Variants in CUX1 observed in about 807,000 individuals in gnomAD.
The protein encoded by CUX1 is protein CASP.
A neutral mutation model predicts 158.8 loss-of-function variants in CUX1; 31 were observed. The ratio of observed to expected loss-of-function variants is 0.20; its 90% confidence interval spans 0.15 to 0.26. The LOEUF is 0.26. CUX1 is among the 10% of genes least tolerant of loss of function. The probability of loss-of-function intolerance (pLI) is 1.00; values close to 1 mark genes in which losing one functional copy is unlikely to be tolerated. For missense variants in CUX1, 1,589 were observed against 2,014.6 expected, an observed-to-expected ratio of 0.79 and a Z score of 4.04; for synonymous variants, 879 against 862.1, an observed-to-expected ratio of 1.02 and a Z score of -0.34.
chr7:101,984,119 TATATATATATAC>T (rs796288869), intron 2 of CUX1, among the ~76,000 whole-genome samples: 1,145 of 44,116 alleles, frequency 0.026, 148 homozygotes, highest in Non-Finnish European at 0.045. Flanking sequence ...TATATATATA[TATATATATATAC>T]ACACACACAT....
intron 14 of CUX1, among the ~76,000 whole-genome samples, chr7:102,273,156 G>C (rs1264383814): frequency 6.6e-6 from 1 of 152,200 alleles, no homozygotes; most frequent in Non-Finnish European, 1.5e-5. Flanking sequence ...GGCCAGGAGT[G>C]CCTCTGACAG....
intron 2 of CUX1, among the ~76,000 whole-genome samples, chr7:102,009,801 C>T (rs1443021421): frequency 2.2e-4 from 34 of 152,228 alleles, no homozygotes; most frequent in Admixed American, 2.2e-3. Context: ...ATTTAAACCT[C>T]CTCAGTTGGG....
At chr7:101,923,470 A>C (rs188512781) in intron 2 of CUX1, among the ~76,000 whole-genome samples, 146 of 152,332 alleles carry the variant, frequency 9.6e-4, no homozygotes, top group African/African-American at 3.3e-3. Flanking sequence ...CAGTCGGCCC[A>C]GTCCTACTCC....
At chr7:102,150,626 C>G (rs922372098) in intron 8 of CUX1, among the ~76,000 whole-genome samples, 1 of 152,188 alleles carries the variant, frequency 6.6e-6, no homozygotes, top group Non-Finnish European at 1.5e-5. Context: ...ACACCGTGCC[C>G]CGATGCCACG....
chr7:101,925,249 C>T (rs765109227), intron 2 of CUX1, among the ~76,000 whole-genome samples: 3 of 152,190 alleles, frequency 2.0e-5, no homozygotes, highest in Non-Finnish European at 2.9e-5. Flanking sequence ...GCTGGGACTA[C>T]AGGCATGTGC....
intron 1 of CUX1, among the ~76,000 whole-genome samples, chr7:101,845,814 G>T (rs1299384787): frequency 2.6e-5 from 4 of 152,124 alleles, no homozygotes; most frequent in Non-Finnish European, 5.9e-5. Flanking sequence ...TTCAAGACCA[G>T]CCTGGCCAAC....
At chr7:102,107,663 C>T (rs1554488900) in intron 6 of CUX1, among the ~76,000 whole-genome samples, 1 of 152,240 alleles carries the variant, frequency 6.6e-6, no homozygotes, top group African/African-American at 2.4e-5. Flanking sequence ...CAGAATGGAT[C>T]TGCAATGTAG....
rs781946108 is a variant in CUX1 at position 102,275,409 on chromosome 7, T to C, written c.1563+50T>C. On this transcript the variant is annotated intron_variant, in intron 17 of 22. Coordinates refer to the CUX1 transcript ENST00000292538. The stretch of plus-strand genomic sequence containing the variant: ...ATGCTCCTTGGGCCCAAGGACACAG[T>C]TGGGGAACACACAGGCTTTCAGGAG... The C allele has an allele frequency of 1.4e-5, 20 of 1,427,140 alleles. No homozygotes were observed. In the East Asian group the frequency reaches 1.9e-4, roughly 13 times the overall value. The allele number at this position is 1,427,140 out of a possible 1,614,324, so 88.4% of individuals were successfully genotyped here.
At chr7:102,225,022 C>T (rs928316248) in intron 20 of CUX1, among the ~76,000 whole-genome samples, 1 of 152,192 alleles carries the variant, frequency 6.6e-6, no homozygotes, top group African/African-American at 2.4e-5. Context: ...GGTTCCTCTG[C>T]CGGCTTCAGA....
rs782432646 is a variant in CUX1, at chr7:102,280,791, C to T, written c.1765-13C>T. On this transcript the variant is annotated splice_polypyrimidine_tract_variant and intron_variant, in intron 19 of 22. Coordinates refer to the CUX1 transcript ENST00000292538. ...CCTTTGGGGTCCTTTCCTGACTGTC[C>T]CTCCCTGTGCAGGAGCGGCAGAGGA... The T allele has an allele frequency of 1.9e-6, 3 of 1,612,590 alleles. No homozygotes were observed. In the African/African-American group the frequency reaches 4.0e-5, roughly 22 times the overall value.
intron 18 of CUX1, among the ~76,000 whole-genome samples, chr7:102,203,125 C>A (rs1795618116): frequency 1.3e-5 from 2 of 152,142 alleles, no homozygotes; most frequent in South Asian, 4.1e-4. Context: ...CACCACCACA[C>A]CCAGCTAATT....
Position 102,041,256 on chromosome 7 carries a change from C to CTTTTTT in CUX1, c.189+13133_189+13138dup, listed in dbSNP as rs11427183. On this transcript the variant is annotated intron_variant, in intron 3 of 23. Coordinates refer to ENST00000292535, the MANE Select transcript of CUX1 (RefSeq NM_181552.4). ...GGGAGATTGTCACCTCTTATCCATT[C>CTTTTTT]TTTTTTTTTTTTTTTTTTTTTTTTT... Among the ~76,000 whole-genome samples the CTTTTTT allele has an allele frequency of 2.7e-4, 19 of 69,914 alleles. 1 individual carries two copies. The highest frequency in any genetic ancestry group is 3.7e-4 in the African/African-American group (7 of 19,112). 45.9% of individuals were successfully genotyped at this position (69,914 alleles called of 152,430 possible).
chr7:102,158,655 C>T (rs371400666), intron 9 of CUX1, 47 bp downstream of exon 9: 86 of 1,584,246 alleles, frequency 5.4e-5, no homozygotes, highest in South Asian at 2.9e-4. Context: ...ATAGCGGGCC[C>T]GTTTCTGGCA....
intron 1 of CUX1, among the ~76,000 whole-genome samples, chr7:101,887,843 A>ATTTTTTTTTTTTTTTTT (rs554136468): frequency 1.3e-5 from 1 of 76,958 alleles, no homozygotes. Context: ...TGACGGTGAC[A>ATTTTTTTTTTTTTTTTT]TTTTTTTTTT....
Position 102,175,281 on chromosome 7 carries a change from C to T in CUX1, c.829-3188C>T, listed in dbSNP as rs181288825. On this transcript the variant is annotated intron_variant, in intron 10 of 23. Coordinates refer to ENST00000292535, the MANE Select transcript of CUX1 (RefSeq NM_181552.4). ...CCTGTCCCAGATACATTCACTTTGA[C>T]TTGCGCCTTGTAAAACCCACATTCC... is the stretch of plus-strand genomic sequence containing the variant. 3.3e-5 allele frequency among the ~76,000 whole-genome samples: 5 copies of T among 152,368 alleles called. No homozygotes were observed. The East Asian group carries it at 9.6e-4, about 29-fold the overall frequency.
chr7:101,859,791 G>T (rs1403585014), intron 1 of CUX1, among the ~76,000 whole-genome samples: 1 of 151,980 alleles, frequency 6.6e-6, no homozygotes, highest in African/African-American at 2.4e-5. Flanking sequence ...CTAGCAGAAG[G>T]TTGCTTTTCT....
chr7:101,861,317 G>GT (rs1797438408), intron 1 of CUX1, among the ~76,000 whole-genome samples: 1 of 152,178 alleles, frequency 6.6e-6, no homozygotes, highest in South Asian at 2.1e-4. Context: ...GCGTCTCTGC[G>GT]TAATAGTTGA....
intron 14 of CUX1, among the ~76,000 whole-genome samples, chr7:102,263,734 C>G (rs1219998617): frequency 1.3e-5 from 2 of 151,970 alleles, no homozygotes; most frequent in Non-Finnish European, 2.9e-5. Context: ...ACTCTGTCAC[C>G]CAGGCTGGAG....
chr7:102,204,429 G>T lies in CUX1; in HGVS notation c.2946G>T (p.Leu982=), dbSNP rs1191569798. ...CCCAGGGCAGCGTCAGCGACATGCT[G>T]TCCCGACCGAAGCCATGGAGCAAGC... is the stretch of plus-strand genomic sequence containing the variant. ...GLSQGSVSDM[L]SRPKPWSKLT... The change falls in exon 19 of 24, where the codon CTG becomes CTT. Residue 982 remains leucine (L), a synonymous_variant. Coordinates refer to ENST00000292535, the MANE Select transcript of CUX1 (RefSeq NM_181552.4). 1 of 1,613,546 alleles carries T rather than the reference G, an allele frequency of 6.2e-7. No homozygotes were observed. The highest frequency in any genetic ancestry group is 8.5e-7 in the Non-Finnish European group (1 of 1,180,036).
Sources: allele counts gnomAD v4.1 joint callset (sites outside exome capture counted in the v4.1 genomes callset), GRCh38; gene constraint gnomAD v4.1.1; transcripts MANE v1.5; gene names NCBI Gene and HGNC (gene_info 2026-07-23, HGNC 2026-07-21).